The following SMPDL3A variants were observed in gnomAD, a reference collection of about 807,000 sequenced individuals.
The protein encoded by SMPDL3A is sphingomyelin phosphodiesterase acid like 3A, also known as cyclic GMP-AMP phosphodiesterase SMPDL3A.
A neutral mutation model predicts 38.5 loss-of-function variants in SMPDL3A; 39 were observed. That is an observed-to-expected ratio of 1.01 (90% CI 0.78 to 1.32). The LOEUF is 1.32. Among genes scored for constraint, SMPDL3A ranks in the 40% most tolerant of loss-of-function variants. SMPDL3A has a pLI of 0.00. For synonymous variants in SMPDL3A, 180 were observed against 194.3 expected (o/e 0.93, Z 0.61); for missense variants, 502 against 536.2 (o/e 0.94, Z 0.63).
intron 3 of SMPDL3A, among the ~76,000 whole-genome samples, chr6:122,800,598 G>GTGCCTA (rs368608927): frequency 0.011 from 1,670 of 152,208 alleles, 30 homozygotes; most frequent in African/African-American, 0.037. Context: ...GCTTTTGCCT[G>GTGCCTA]TGCCTATGCC....
At chr6:122,800,168 GT>G (rs1781382264) in intron 3 of SMPDL3A, among the ~76,000 whole-genome samples, 1 of 151,730 alleles carries the variant, frequency 6.6e-6, no homozygotes, top group African/African-American at 2.4e-5. Flanking sequence ...TTGTTTGTTT[GT>G]TTTCCTCCAG....
intron 5 of SMPDL3A, among the ~76,000 whole-genome samples, chr6:122,804,613 A>G (rs1490729573): frequency 6.6e-6 from 1 of 152,016 alleles, no homozygotes; most frequent in Admixed American, 6.6e-5. Flanking sequence ...AGCAAGTTTT[A>G]TTTTGTTTTG....
chr6:122,803,813 T>C lies in SMPDL3A; in HGVS notation c.718T>C (p.Ser240Pro). ...FEWLESTLNNSQQNKEKVYII... is the reference protein window; with the variant it reads ...FEWLESTLNNPQQNKEKVYII... ...ATGGCTAGAAAGTACATTGAACAAC[T>C]CTCAGCAGAATAAGGAGAAGGTAGA... is the stretch of plus-strand genomic sequence containing the variant. The change falls in exon 5 of 8, where the codon TCT becomes CCT. Residue 240 changes from serine to proline, a missense_variant. Physicochemically the swap from Ser to Pro is moderately conservative, Grantham distance 74 (BLOSUM62 -1). Coordinates refer to ENST00000368440, the MANE Select transcript of SMPDL3A (RefSeq NM_006714.5). 6.2e-7 allele frequency: 1 copy of C among 1,613,834 alleles called. No homozygotes were observed. The highest frequency in any genetic ancestry group is 8.5e-7 in the Non-Finnish European group (1 of 1,179,970).
chr6:122,797,355 T>C (rs9375185), intron 3 of SMPDL3A: 23,919 of 163,354 alleles, frequency 0.15, 2,134 homozygotes, highest in East Asian at 0.35. Context: ...AGAATTCTTA[T>C]TAGACCTACA....
intron 4 of SMPDL3A, 22 bp downstream of exon 4, chr6:122,801,428 T>G (rs747268012): frequency 1.3e-6 from 2 of 1,492,022 alleles, no homozygotes; most frequent in Non-Finnish European, 1.9e-6. Flanking sequence ...ACTTAGTTAT[T>G]CCTATTTTGC....
Position 122,804,903 on chromosome 6 carries a change from T to A in SMPDL3A, c.739-6T>A. The stretch of plus-strand genomic sequence containing the variant: ...TCATGAGGCCTTTTTGTGTTTCTTT[T>A]TCCAGGTGTATATCATAGCACATGT... On this transcript the variant is annotated splice_polypyrimidine_tract_variant and splice_region_variant and intron_variant, in intron 5 of 7. Coordinates refer to ENST00000368440, the MANE Select transcript of SMPDL3A (RefSeq NM_006714.5). The A allele has an allele frequency of 6.3e-7, 1 of 1,591,168 alleles. No homozygotes were observed. Among genetic ancestry groups the A allele is most frequent in the Admixed American group, 1.8e-5 (1 of 54,812 alleles).
At chr6:122,808,324 A>G (rs919353239) in intron 7 of SMPDL3A, among the ~76,000 whole-genome samples, 2 of 152,176 alleles carry the variant, frequency 1.3e-5, no homozygotes, top group African/African-American at 2.4e-5. Flanking sequence ...AAATACTCAC[A>G]TCATGGACAA....
chr6:122,791,433 A>G (rs980309154), intron 1 of SMPDL3A, among the ~76,000 whole-genome samples: 2 of 152,244 alleles, frequency 1.3e-5, no homozygotes, highest in East Asian at 3.9e-4. Context: ...ACTTAAGAGT[A>G]TGCACTGGTA....
intron 2 of SMPDL3A, among the ~76,000 whole-genome samples, chr6:122,796,143 A>G (rs1296122602): frequency 6.6e-6 from 1 of 152,184 alleles, no homozygotes; most frequent in Non-Finnish European, 1.5e-5. Flanking sequence ...CACTTGCATC[A>G]ATATCTTGAG....
intron 7 of SMPDL3A, among the ~76,000 whole-genome samples, chr6:122,808,625 T>C (rs146307551): frequency 0.034 from 3,397 of 100,746 alleles, 75 homozygotes; most frequent in Non-Finnish European, 0.049. Flanking sequence ...CTTCCTTCCT[T>C]CCTTCCTTCC....
chr6:122,805,012 A>G lies in SMPDL3A; in HGVS notation c.842A>G (p.Lys281Arg). The change falls in exon 6 of 8, where the codon AAA becomes AGA. Residue 281 changes from lysine to arginine, a missense_variant. Lys to Arg is a conservative substitution (Grantham distance 26). Transcript: ENST00000368440. ...GAGAAATTGATAGATATTTTTCAAA[A>G]ATACAGTGATGTCATTGCAGGACAA... The part of the protein sequence containing the change: ...YNEKLIDIFQ[K>R]YSDVIAGQFY... 1 of 1,613,630 alleles carries G rather than the reference A, an allele frequency of 6.2e-7. No homozygotes were observed. Among genetic ancestry groups the G allele is most frequent in the South Asian group, 1.1e-5 (1 of 90,836 alleles).
intron 7 of SMPDL3A, among the ~76,000 whole-genome samples, chr6:122,807,325 C>T (rs535041644): frequency 2.6e-5 from 4 of 152,192 alleles, no homozygotes; most frequent in East Asian, 1.9e-4. Flanking sequence ...GGTGAAACCC[C>T]GTCTCCACTA....
chr6:122,803,655 T>C lies in SMPDL3A; in HGVS notation c.569-9T>C. Reference sequence around the variant, plus strand: ...TTTTCCTAAATGTGTTTTAAAATTGTTTTTATAGGTGGTTTTTATTCACAG... The same window carrying C: ...TTTTCCTAAATGTGTTTTAAAATTGCTTTTATAGGTGGTTTTTATTCACAG... On this transcript the variant is annotated splice_polypyrimidine_tract_variant and intron_variant, in intron 4 of 7. Transcript: ENST00000368440. 3 of 1,603,930 alleles carry C rather than the reference T, an allele frequency of 1.9e-6. No individual in the cohort carries two copies. Among genetic ancestry groups the C allele is most frequent in the Non-Finnish European group, 2.6e-6 (3 of 1,173,288 alleles).
chr6:122,802,646 A>T (rs985415024), intron 4 of SMPDL3A, among the ~76,000 whole-genome samples: 7 of 152,208 alleles, frequency 4.6e-5, no homozygotes, highest in African/African-American at 1.7e-4. Flanking sequence ...GAGGCAGAAA[A>T]AAGCTGAGAA....
rs916956871 is a variant in SMPDL3A at position 122,804,948 on chromosome 6, T to G, written c.778T>G (p.Ser260Ala). Residue 260 changes from serine (S) to alanine (A), a missense_variant, in exon 6 of 8, where the codon TCT becomes GCT. Coordinates refer to ENST00000368440, the MANE Select transcript of SMPDL3A (RefSeq NM_006714.5). ...ACATGTTCCAGTGGGGTATCTGCCA[T>G]CTTCACAGAACATCACAGCAATGAG... ...IAHVPVGYLP[S>A]SQNITAMREY... The G allele has an allele frequency of 6.2e-6, 10 of 1,612,520 alleles. No homozygotes were observed. Among genetic ancestry groups the G allele is most frequent in the Middle Eastern group, 1.6e-4 (1 of 6,078 alleles).
intron 3 of SMPDL3A, 97 bp downstream of exon 3, chr6:122,797,065 G>T: frequency 1.0e-6 from 1 of 964,622 alleles, no homozygotes; most frequent in South Asian, 1.6e-5. Flanking sequence ...GCATGGGAAT[G>T]GGTCTTATAG....
chr6:122,804,470 A>T (rs1387485974), intron 5 of SMPDL3A, among the ~76,000 whole-genome samples: 2 of 150,164 alleles, frequency 1.3e-5, no homozygotes, highest in Non-Finnish European at 3.0e-5. Context: ...CTCCTGGCTA[A>T]TTTTTTTTTC....
rs553911801 is a variant in SMPDL3A at position 122,797,049 on chromosome 6, G to A, written c.471+81G>A. ...AAAATTGTGACAATAACTAGCTAGT[G>A]ATAGGGCATGGGAATGGGTCTTATA... On this transcript the variant is annotated intron_variant, in intron 3 of 7. Coordinates refer to ENST00000368440, the MANE Select transcript of SMPDL3A (RefSeq NM_006714.5). 33 of 1,182,830 alleles carry A rather than the reference G, an allele frequency of 2.8e-5. No homozygotes were observed. The African/African-American group carries it at 4.5e-4, about 16-fold the overall frequency. 73.3% of individuals were successfully genotyped at this position (1,182,830 alleles called of 1,614,324 possible).
chr6:122,808,918 T>C (rs1033439982), intron 7 of SMPDL3A, among the ~76,000 whole-genome samples, 173 bp from the exon 8 acceptor site: 2 of 151,940 alleles, frequency 1.3e-5, no homozygotes, highest in Non-Finnish European at 1.5e-5. Context: ...GGTCTCAAAC[T>C]CCTGACCTCA....
Sources: gnomAD v4.1 joint callset for allele counts (sites outside exome capture counted in the v4.1 genomes callset) on GRCh38, gnomAD v4.1.1 for gene constraint, MANE v1.5 for transcripts, NCBI Gene and HGNC (gene_info 2026-07-23, HGNC 2026-07-21) for gene names.